ABI1: variants seen among roughly 807,000 people sequenced by gnomAD.
The protein encoded by ABI1 is Abelson interactor 1.
In ABI1, 14 loss-of-function variants were observed where a neutral mutation model predicts 54.6. That is an observed-to-expected ratio of 0.26 (90% CI 0.17 to 0.40). The LOEUF (loss-of-function observed/expected upper bound fraction) is 0.40. Among genes scored for constraint, ABI1 ranks in the 10% least tolerant of loss-of-function variants. ABI1 has a pLI of 1.00. For missense variants in ABI1, 443 were observed against 598.3 expected, an observed-to-expected ratio of 0.74 and a Z score of 2.71; for synonymous variants, 194 against 209.3, an observed-to-expected ratio of 0.93 and a Z score of 0.63.
chr10:26,782,642 G>C (rs1292326259), intron 2 of ABI1, among the ~76,000 whole-genome samples: 1 of 151,044 alleles, frequency 6.6e-6, no homozygotes, highest in Non-Finnish European at 1.5e-5. Flanking sequence ...AGAAACGCTT[G>C]AACCAGGGAG....
intron 1 of ABI1, among the ~76,000 whole-genome samples, chr10:26,826,596 C>T (rs1468645256): frequency 6.6e-6 from 1 of 152,222 alleles, no homozygotes; most frequent in Non-Finnish European, 1.5e-5. Flanking sequence ...TGTAAAAGCC[C>T]TAGACGGCAT....
intron 2 of ABI1, among the ~76,000 whole-genome samples, chr10:26,791,670 C>T (rs982100197): frequency 6.6e-6 from 1 of 151,854 alleles, no homozygotes; most frequent in Non-Finnish European, 1.5e-5. Context: ...AATAAATGGA[C>T]CAATACAACA....
At position 26,747,048 on chromosome 10, in the gene ABI1, C is replaced by G. The variant is rs1837012152; in HGVS notation, c.*1522G>C. The G allele has an allele frequency of 4.4e-6, 1 of 229,310 alleles. No individual in the cohort carries two copies. Among genetic ancestry groups the G allele is most frequent in the Non-Finnish European group, 8.7e-6 (1 of 115,382 alleles). The allele number at this position is 229,310 out of a possible 1,614,324, so 14.2% of individuals were successfully genotyped here. On this transcript the variant is annotated 3_prime_UTR_variant, in exon 11 of 11. Transcript: ENST00000376140. ...TTTGTTTGTTTAAAATTAACAAAGG[C>G]AAAATGCATATGAAATAGTCACATT...
intron 6 of ABI1, among the ~76,000 whole-genome samples, chr10:26,766,462 G>A (rs747109958): frequency 3.9e-5 from 6 of 152,146 alleles, no homozygotes; most frequent in African/African-American, 1.2e-4. Context: ...AATTCAAAGG[G>A]CAAAGATTTG....
intron 1 of ABI1, among the ~76,000 whole-genome samples, chr10:26,834,918 C>A (rs2048942804): frequency 6.6e-6 from 1 of 151,998 alleles, no homozygotes; most frequent in Non-Finnish European, 1.5e-5. Context: ...GCCTGGCCAA[C>A]ATGGTGAAAT....
chr10:26,851,348 ATTTTT>A (rs397724445), intron 1 of ABI1, among the ~76,000 whole-genome samples: 10 of 67,808 alleles, frequency 1.5e-4, no homozygotes, highest in East Asian at 4.8e-4. Context: ...GACTAAGCTA[ATTTTT>A]TTTTTTTTTT....
At chr10:26,768,643 T>C (rs932909439) in intron 6 of ABI1, among the ~76,000 whole-genome samples, 28 of 151,614 alleles carry the variant, frequency 1.8e-4, no homozygotes, top group Non-Finnish European at 2.1e-4. Context: ...ATAGTACAAA[T>C]AGATGTTTTA....
intron 8 of ABI1, among the ~76,000 whole-genome samples, chr10:26,758,602 C>G (rs1219406816): frequency 6.6e-6 from 1 of 152,138 alleles, no homozygotes; most frequent in Non-Finnish European, 1.5e-5. Flanking sequence ...CGGTTTTGAA[C>G]TCATTTCTGA....
At chr10:26,792,672 G>A (rs967759167) in intron 2 of ABI1, among the ~76,000 whole-genome samples, 11 of 151,940 alleles carry the variant, frequency 7.2e-5, no homozygotes, top group African/African-American at 2.7e-4. Context: ...TTAATTGTGT[G>A]GTAAACAAAT....
At chr10:26,842,716 A>G (rs4376804) in intron 1 of ABI1, among the ~76,000 whole-genome samples, 87,351 of 152,122 alleles carry the variant, frequency 0.57, 27,261 homozygotes, top group African/African-American at 0.83. Context: ...AAGGCAAGAC[A>G]TTAATATACA....
intron 1 of ABI1, among the ~76,000 whole-genome samples, chr10:26,837,811 C>CA (rs1338632728): frequency 1.3e-5 from 2 of 148,646 alleles, no homozygotes; most frequent in South Asian, 2.2e-4. Flanking sequence ...GACAGGGTTT[C>CA]CTCATGTTGC....
chr10:26,843,316 TG>T (rs2049675919), intron 1 of ABI1, among the ~76,000 whole-genome samples: 1 of 150,508 alleles, frequency 6.6e-6, no homozygotes, highest in Admixed American at 6.6e-5. Context: ...AGCCGGGGTG[TG>T]GTGGCATGCA....
chr10:26,790,241 T>C (rs754326083), intron 2 of ABI1, among the ~76,000 whole-genome samples: 4 of 152,210 alleles, frequency 2.6e-5, no homozygotes, highest in Admixed American at 6.5e-5. Context: ...TAATTTACAT[T>C]CCCACCAGCA....
chr10:26,818,285 T>C (rs1425720555), intron 2 of ABI1, among the ~76,000 whole-genome samples: 1 of 151,314 alleles, frequency 6.6e-6, no homozygotes, highest in Non-Finnish European at 1.5e-5. Flanking sequence ...GGAATTAATT[T>C]CCTCATATTA....
chr10:26,830,883 G>A (rs7092660), intron 1 of ABI1, among the ~76,000 whole-genome samples: 2,041 of 152,072 alleles, frequency 0.013, 30 homozygotes, highest in African/African-American at 0.041. Context: ...TTGATAAAAT[G>A]TTCAAATATT....
intron 2 of ABI1, among the ~76,000 whole-genome samples, chr10:26,788,273 A>G (rs746047836): frequency 6.6e-6 from 1 of 152,232 alleles, no homozygotes; most frequent in Non-Finnish European, 1.5e-5. Context: ...TATAAGCCCA[A>G]CTGAACCTCT....
chr10:26,807,482 C>CA (rs113463415), intron 2 of ABI1, among the ~76,000 whole-genome samples: 11 of 147,460 alleles, frequency 7.5e-5, no homozygotes, highest in East Asian at 3.9e-4. Context: ...GACCCGGCCT[C>CA]AAAAAAAAAA....
At chr10:26,782,322 C>T (rs1482846546) in intron 2 of ABI1, among the ~76,000 whole-genome samples, 1 of 152,046 alleles carries the variant, frequency 6.6e-6, no homozygotes, top group Non-Finnish European at 1.5e-5. Flanking sequence ...TCGCTTAGTA[C>T]TGCAACAGCC....
At chr10:26,780,584 C>T (rs1181168835) in intron 2 of ABI1, among the ~76,000 whole-genome samples, 1 of 152,144 alleles carries the variant, frequency 6.6e-6, no homozygotes, top group Non-Finnish European at 1.5e-5. Flanking sequence ...GCAAATGTCT[C>T]TTGTTCACTG....
Sources: gnomAD v4.1 joint callset for allele counts (sites outside exome capture counted in the v4.1 genomes callset) on GRCh38, gnomAD v4.1.1 for gene constraint, MANE v1.5 for transcripts, NCBI Gene and HGNC (gene_info 2026-07-23, HGNC 2026-07-21) for gene names.